DBF4B: variants seen among roughly 807,000 people sequenced by gnomAD.
DBF4B encodes DBF4B-CDC7 kinase regulatory subunit, also known as protein DBF4 homolog B.
A neutral mutation model predicts 53.4 loss-of-function variants in DBF4B; 49 were observed. That is an observed-to-expected ratio of 0.92 (90% CI 0.73 to 1.16). DBF4B has a LOEUF of 1.16. DBF4B is among the 50% of genes most tolerant of loss of function. The pLI is 0.00. For synonymous variants in DBF4B, 257 were observed against 288.7 expected (o/e 0.89, Z 1.11); for missense variants, 692 against 775.0 (o/e 0.89, Z 1.27).
chr17:44,748,236 G>T (rs537751954), intron 12 of DBF4B, 105 bp from the exon 13 acceptor site: 5 of 1,452,754 alleles, frequency 3.4e-6, no homozygotes, highest in Non-Finnish European at 2.8e-6. Flanking sequence ...CAGCTCTCTC[G>T]GCACATGAAC....
chr17:44,751,020 C>T lies in DBF4B; in HGVS notation c.1615C>T (p.Leu539Phe). The change falls in exon 14 of 14, where the codon CTC (leucine) becomes TTC (phenylalanine). Residue 539 changes from leucine to phenylalanine, a missense_variant. By Grantham distance (22) the Leu-to-Phe change is conservative (BLOSUM62 0). Around this residue, in one of 3 missense-constraint regions of DBF4B, gnomAD observed 597 missense variants for 665.8 expected, o/e 0.90. Transcript: ENST00000315005. ...TGAGGAAGTTTCCCCTTGCCCCTGT[C>T]TCAGACTTGGATACCTTTACCTGCT... ...LHEEVSPCPC[L>F]RLGYLYLLLT... is the part of the protein sequence containing the mutation. 6.2e-7 allele frequency: 1 copy of T among 1,614,170 alleles called. No homozygotes were observed. Among genetic ancestry groups the T allele is most frequent in the Non-Finnish European group, 8.5e-7 (1 of 1,180,000 alleles).
At chr17:44,718,519 C>T (rs1973537284) in intron 2 of DBF4B, among the ~76,000 whole-genome samples, 1 of 151,668 alleles carries the variant, frequency 6.6e-6, no homozygotes, top group Non-Finnish European at 1.5e-5. Context: ...CTTTGATGAC[C>T]TCAGTACTTT....
intron 7 of DBF4B, 84 bp from the exon 8 acceptor site, chr17:44,736,746 T>G: frequency 6.7e-7 from 1 of 1,484,382 alleles, no homozygotes; most frequent in Non-Finnish European, 9.4e-7. Flanking sequence ...TGGGACAGAC[T>G]GGCAGCCACT....
rs781755870 is a variant in DBF4B, at chr17:44,751,164, C to G, written c.1759C>G (p.Leu587Val). ...CCCCTCCTATCTCAATGATCATGAC[C>G]TTGGACATCTCTGCCAGGCCAAACC... ...AFPSYLNDHD[L>V]GHLCQAKPQG... Residue 587 changes from leucine (L) to valine (V), a missense_variant, in exon 14 of 14, where the codon CTT becomes GTT. Coordinates refer to ENST00000315005, the MANE Select transcript of DBF4B (RefSeq NM_145663.3). The G allele has an allele frequency of 7.8e-5, 126 of 1,614,004 alleles. No homozygotes were observed. The Middle Eastern group carries it at 2.5e-3, about 32-fold the overall frequency.
intron 3 of DBF4B, among the ~76,000 whole-genome samples, chr17:44,725,086 A>G (rs972639370): frequency 1.4e-4 from 21 of 147,290 alleles, no homozygotes; most frequent in Admixed American, 7.0e-4. Flanking sequence ...ATTGCACTCC[A>G]GCCTGGGCAA....
At chr17:44,738,582 GA>G (rs546835991) in intron 9 of DBF4B, among the ~76,000 whole-genome samples, 158 bp downstream of exon 9, 369 of 152,322 alleles carry the variant, frequency 2.4e-3, no homozygotes, top group Non-Finnish European at 3.8e-3. Flanking sequence ...CATTGTCATG[GA>G]GAAGTCTCAT....
chr17:44,747,490 A>G lies in DBF4B; in HGVS notation c.1039A>G (p.Ile347Val), dbSNP rs149617385. The G allele has an allele frequency of 6.2e-7, 1 of 1,614,044 alleles. No individual in the cohort carries two copies. The highest frequency in any genetic ancestry group is 8.5e-7 in the Non-Finnish European group (1 of 1,180,018). ...IAQLSHSFAD[I>V]PFQAGLPRWS... is the part of the protein sequence containing the mutation. Reference sequence around the variant, plus strand: ...TCAGCTCAGCCACAGCTTTGCAGACATCCCTTTCCAGGCTGGCCTCCCCAG... The same window carrying G: ...TCAGCTCAGCCACAGCTTTGCAGACGTCCCTTTCCAGGCTGGCCTCCCCAG... Residue 347 changes from isoleucine (I) to valine (V), a missense_variant, in exon 12 of 14, where the codon ATC becomes GTC. Ile to Val is a conservative substitution (Grantham distance 29). Around this residue, in one of 3 missense-constraint regions of DBF4B, gnomAD observed 597 missense variants for 665.8 expected, o/e 0.90. Coordinates refer to ENST00000315005, the MANE Select transcript of DBF4B (RefSeq NM_145663.3).
At chr17:44,714,035 G>A (rs1973128369) in intron 2 of DBF4B, among the ~76,000 whole-genome samples, 3 of 152,110 alleles carry the variant, frequency 2.0e-5, no homozygotes, top group African/African-American at 7.2e-5. Flanking sequence ...CTTGGATGGA[G>A]CTGGAGGCCA....
chr17:44,734,200 G>T, intron 7 of DBF4B, 37 bp downstream of exon 7: 1 of 1,613,812 alleles, frequency 6.2e-7, no homozygotes, highest in Non-Finnish European at 8.5e-7. Flanking sequence ...CAAATGGATG[G>T]TTTTCAATGA....
chr17:44,735,269 C>T (rs1176319668), intron 7 of DBF4B, among the ~76,000 whole-genome samples: 1 of 152,186 alleles, frequency 6.6e-6, no homozygotes, highest in Non-Finnish European at 1.5e-5. Flanking sequence ...CAACCACTGA[C>T]CTTCCTCCCT....
At chr17:44,714,022 C>T (rs1973127223) in intron 2 of DBF4B, among the ~76,000 whole-genome samples, 1 of 152,088 alleles carries the variant, frequency 6.6e-6, no homozygotes, top group Non-Finnish European at 1.5e-5. Context: ...AGTTCTGCAG[C>T]AACTTGGATG....
intron 2 of DBF4B, chr17:44,719,757 A>G (rs1598774874): frequency 5.0e-6 from 1 of 199,924 alleles, no homozygotes; most frequent in East Asian, 1.3e-4. Flanking sequence ...GTTCTTAAGA[A>G]ATTCAGAACA....
intron 5 of DBF4B, chr17:44,731,928 G>A (rs1001597538): frequency 1.1e-5 from 5 of 442,124 alleles, no homozygotes; most frequent in African/African-American, 2.0e-5. Context: ...TCCTGGTCAC[G>A]AGGTGGCCAG....
chr17:44,724,380 C>CT (rs78452717), intron 3 of DBF4B, among the ~76,000 whole-genome samples: 132 of 146,946 alleles, frequency 9.0e-4, no homozygotes, highest in Non-Finnish European at 8.0e-4. Flanking sequence ...AAAAGAGAAA[C>CT]TTTTTTTTTT....
rs139596286 is a variant in DBF4B at position 44,752,048 on chromosome 17, T to C, written c.*795T>C. The C allele has an allele frequency of 1.9e-5, 27 of 1,459,142 alleles. No homozygotes were observed. The African/African-American group carries it at 2.8e-4, about 15-fold the overall frequency. 90.4% of individuals were successfully genotyped at this position (1,459,142 alleles called of 1,614,324 possible). Reference sequence around the variant, plus strand: ...CCCAGGCCTTTGTTCTTGCCTCTTCTCGCTGAGCCTTTCACTTCTCGGCAG... The same window carrying C: ...CCCAGGCCTTTGTTCTTGCCTCTTCCCGCTGAGCCTTTCACTTCTCGGCAG... On this transcript the variant is annotated 3_prime_UTR_variant, in exon 14 of 14. Coordinates refer to ENST00000315005, the MANE Select transcript of DBF4B (RefSeq NM_145663.3).
In DBF4B at chr17:44,750,831, C is replaced by T; in HGVS notation, c.1426C>T (p.His476Tyr). 6.2e-7 allele frequency: 1 copy of T among 1,614,244 alleles called. No individual in the cohort carries two copies. Among genetic ancestry groups the T allele is most frequent in the Non-Finnish European group, 8.5e-7 (1 of 1,180,038 alleles). ...GTCGCCTGCAGAGGACATGCCCCTC[C>T]ATCCCTCCCAAGAAAACTCCTTTGC... ...EWSPAEDMPL[H>Y]PSQENSFAPA... The change falls in exon 14 of 14, where the codon CAT (histidine) becomes TAT (tyrosine). Residue 476 changes from histidine (H) to tyrosine (Y), a missense_variant. His to Tyr is a moderately conservative substitution (Grantham distance 83). Around this residue, in one of 3 missense-constraint regions of DBF4B, gnomAD observed 597 missense variants for 665.8 expected, o/e 0.90. Transcript: ENST00000315005.
chr17:44,709,449 T>C, intron 2 of DBF4B, 83 bp downstream of exon 2: 1 of 1,453,274 alleles, frequency 6.9e-7, no homozygotes, highest in South Asian at 1.1e-5. Flanking sequence ...GTTCCCCCTG[T>C]TGGAGTTTTC....
chr17:44,732,128 C>G (rs374492198), intron 5 of DBF4B, 50 bp from the exon 6 acceptor site: 3 of 1,590,194 alleles, frequency 1.9e-6, no homozygotes, highest in Non-Finnish European at 2.6e-6. Context: ...CCTTCACTTT[C>G]AGGCCTTGGG....
In DBF4B at chr17:44,732,163, G is replaced by C. The variant is rs371135893; in HGVS notation, c.469-15G>C. The C allele has an allele frequency of 1.1e-4, 181 of 1,613,618 alleles. No homozygotes were observed. Among genetic ancestry groups the C allele is most frequent in the Non-Finnish European group, 1.5e-4 (172 of 1,179,838 alleles). ...GGAGTCTCTGCTCCTACCTGACTCT[G>C]TGTTGTAATTTCAGGGGAGCATCAG... On this transcript the variant is annotated splice_polypyrimidine_tract_variant and intron_variant, in intron 5 of 13. Coordinates refer to ENST00000315005, the MANE Select transcript of DBF4B (RefSeq NM_145663.3).
Sources: allele counts gnomAD v4.1 joint callset (sites outside exome capture counted in the v4.1 genomes callset), GRCh38; gene constraint gnomAD v4.1.1; regional missense constraint gnomAD v4.1.1; transcripts MANE v1.5; gene names NCBI Gene and HGNC (gene_info 2026-07-23, HGNC 2026-07-21).